Variants in ADGRD2 observed in about 807,000 individuals in gnomAD.
The protein encoded by ADGRD2 is G protein-coupled receptor PGR24.
ADGRD2 carries 71 observed loss-of-function variants against 44.4 expected under a neutral mutation model. That is an observed-to-expected ratio of 1.60 (90% CI 1.32 to 1.95). The LOEUF is 1.95. Among genes scored for constraint, ADGRD2 ranks in the 30% most tolerant of loss-of-function variants. The pLI, the probability that ADGRD2 is intolerant of heterozygous loss-of-function variation, is 0.00. For missense variants in ADGRD2, 1,039 were observed against 512.4 expected, an observed-to-expected ratio of 2.03 and a Z score of -9.92; for synonymous variants, 481 against 224.8, an observed-to-expected ratio of 2.14 and a Z score of -10.19.
At chr9:124,475,951 G>C (rs74861648) in intron 19 of ADGRD2, among the ~76,000 whole-genome samples, 1 of 152,178 alleles carries the variant, frequency 6.6e-6, no homozygotes, top group Non-Finnish European at 1.5e-5. Context: ...GCAGCCCTGC[G>C]GCTTGAGCAA....
At chr9:124,452,969 A>G in intron 2 of ADGRD2, 66 bp from the exon 6 acceptor site, 1 of 606,452 alleles carries the variant, frequency 1.6e-6, no homozygotes, top group Non-Finnish European at 2.9e-6. Flanking sequence ...CGCTGAGCCA[A>G]AGGGCAGGGG....
Position 124,454,661 on chromosome 9 carries a change from C to T in ADGRD2, c.1108+92C>T. 1.5e-6 allele frequency: 1 copy of T among 668,114 alleles called. No individual in the cohort carries two copies. Among genetic ancestry groups the T allele is most frequent in the Non-Finnish European group, 2.8e-6 (1 of 359,266 alleles). The allele number at this position is 668,114 out of a possible 1,614,324, so 41.4% of individuals were successfully genotyped here. A position where few individuals can be genotyped will look rare whatever the true frequency, so the allele number is the denominator to read the frequency against. ...CCTCCCTTGTAAAGGGGACACCCAC[C>T]TGGTGTGTCTGCAGGAATAAAGGCC... On this transcript the variant is annotated intron_variant, in intron 5 of 21. Transcript: ENST00000334810. This position sits in a 1 kb window ranked among gnomAD's most constrained non-coding sequence, Gnocchi z 4.5.
upstream of ADGRD2, chr9:124,452,002 C>CT: frequency 3.0e-6 from 1 of 328,202 alleles, no homozygotes; most frequent in Non-Finnish European, 6.0e-6. Flanking sequence ...TGAATGCCCC[C>CT]CTCCCACCCA....
intron 17 of ADGRD2, among the ~76,000 whole-genome samples, chr9:124,473,458 A>C (rs768597483): frequency 6.6e-6 from 1 of 152,240 alleles, no homozygotes; most frequent in East Asian, 1.9e-4. Flanking sequence ...CACCCTCCTC[A>C]TGGGATCATC....
At chr9:124,450,487 C>T (rs1831445052), upstream of ADGRD2, among the ~76,000 whole-genome samples, 1 of 152,230 alleles carries the variant, frequency 6.6e-6, no homozygotes, top group African/African-American at 2.4e-5. Context: ...TGAACGGCCA[C>T]AGGCGCCAGG....
chr9:124,466,468 A>G, intron 11 of ADGRD2, 55 bp downstream of exon 14: 1 of 630,650 alleles, frequency 1.6e-6, no homozygotes, highest in Non-Finnish European at 3.0e-6. Flanking sequence ...CTGGAGGTGA[A>G]GAGAAGAGCC....
chr9:124,451,996 T>TGCCGGG, upstream of ADGRD2: 1 of 393,142 alleles, frequency 2.5e-6, no homozygotes. Flanking sequence ...TTCCACTGAA[T>TGCCGGG]GCCCCCCTCC....
intron 2 of ADGRD2, 108 bp downstream of exon 5, chr9:124,452,830 C>T (rs1831515063): frequency 1.6e-6 from 1 of 627,226 alleles, no homozygotes; most frequent in Non-Finnish European, 2.9e-6. Context: ...GGAGTAAGAC[C>T]CCATTGCATC....
At chr9:124,477,065 A>C (rs751390660) in intron 21 of ADGRD2, 1 of 545,880 alleles carries the variant, frequency 1.8e-6, no homozygotes. Flanking sequence ...CCCTAAGCCC[A>C]GCACCCCCCG....
chr9:124,452,590 G>A (rs1831505974), exon 2 of ADGRD2: 3 of 718,394 alleles, frequency 4.2e-6, no homozygotes, highest in Non-Finnish European at 7.8e-6. Context: ...CTGGTGGCAG[G>A]CCCAAGAGTC....
upstream of ADGRD2, chr9:124,451,220 A>C: frequency 2.1e-6 from 1 of 471,790 alleles, no homozygotes; most frequent in Non-Finnish European, 4.4e-6. Flanking sequence ...AGAACTCGGC[A>C]GAGGCCTGAT....
chr9:124,451,787 T>A (rs1831475788), upstream of ADGRD2: 1 of 356,302 alleles, frequency 2.8e-6, no homozygotes, highest in Non-Finnish European at 5.2e-6. Flanking sequence ...CATCCTTACC[T>A]CATAAGGTCA....
chr9:124,476,415 G>A, exon 20 of ADGRD2: 3 of 702,110 alleles, frequency 4.3e-6, no homozygotes, highest in South Asian at 1.5e-5. Flanking sequence ...CGGAGAGACA[G>A]GTGAGGCTGG....
At chr9:124,471,589 C>T (rs1256697081) in intron 17 of ADGRD2, among the ~76,000 whole-genome samples, 5 of 152,176 alleles carry the variant, frequency 3.3e-5, no homozygotes, top group Non-Finnish European at 2.9e-5. Context: ...GGTCACTTGC[C>T]CAAGGCCCCC....
intron 17 of ADGRD2, 91 bp from the exon 21 acceptor site, chr9:124,475,355 A>G: frequency 1.5e-6 from 1 of 658,064 alleles, no homozygotes; most frequent in Non-Finnish European, 2.8e-6. Context: ...TGTCTCTGCC[A>G]CTGGGAGGCG....
chr9:124,461,726 G>GT (rs58035133), intron 10 of ADGRD2, among the ~76,000 whole-genome samples: 9 of 147,600 alleles, frequency 6.1e-5, no homozygotes, highest in Admixed American at 6.7e-5. Flanking sequence ...TTCCAACTTT[G>GT]TTTTTTTTTT....
At chr9:124,457,534 C>A (rs1428091004) in exon 8 of ADGRD2, 2 of 688,738 alleles carry the variant, frequency 2.9e-6, no homozygotes, top group Non-Finnish European at 5.3e-6. Flanking sequence ...ATTCACAATG[C>A]CTGGTGGGCG....
At chr9:124,475,454 C>T (rs768333885) in exon 18 of ADGRD2, 7 of 713,410 alleles carry the variant, frequency 9.8e-6, no homozygotes, top group Non-Finnish European at 1.6e-5. Context: ...AGGGGCTGTA[C>T]ATCTTCCTGG....
intron 10 of ADGRD2, among the ~76,000 whole-genome samples, chr9:124,462,609 TTA>T (rs1831742365): frequency 6.6e-6 from 1 of 151,064 alleles, no homozygotes; most frequent in Non-Finnish European, 1.5e-5. Context: ...TGCACAGATC[TTA>T]GAGACATTTT....
Sources: gnomAD v4.1 joint callset for allele counts (sites outside exome capture counted in the v4.1 genomes callset) on GRCh38, gnomAD v4.1.1 for gene constraint, Gnocchi (gnomAD v3.1) non-coding constraint, MANE v1.5 for transcripts, NCBI Gene and HGNC (gene_info 2026-07-23, HGNC 2026-07-21) for gene names.